RFX3: variants seen among roughly 807,000 people sequenced by gnomAD.
RFX3 encodes transcription factor RFX3.
A neutral mutation model predicts 98.6 loss-of-function variants in RFX3; 14 were observed. The observed-to-expected ratio is 0.14, with a 90% CI of 0.09 to 0.22. The LOEUF (loss-of-function observed/expected upper bound fraction) is 0.22. Ranked by LOEUF, RFX3 falls within the 10% of genes least tolerant of loss-of-function variation. The pLI is 1.00. For synonymous variants in RFX3, 383 were observed against 328.4 expected, an observed-to-expected ratio of 1.17 and a Z score of -1.80; for missense variants, 639 against 926.9, an observed-to-expected ratio of 0.69 and a Z score of 4.03.
At chr9:3,397,906 G>C (rs1016158291) in intron 1 of RFX3, among the ~76,000 whole-genome samples, 4 of 152,098 alleles carry the variant, frequency 2.6e-5, no homozygotes, top group African/African-American at 9.7e-5. Context: ...TTACAAATGA[G>C]GAACCTCAGG....
At chr9:3,444,171 C>T (rs1431617407) in intron 1 of RFX3, among the ~76,000 whole-genome samples, 2 of 151,998 alleles carry the variant, frequency 1.3e-5, no homozygotes, top group Non-Finnish European at 2.9e-5. Flanking sequence ...AATTATCTAC[C>T]AACAGGTGAA....
intron 1 of RFX3, among the ~76,000 whole-genome samples, chr9:3,480,629 C>G (rs1229385387): frequency 6.6e-6 from 1 of 152,146 alleles, no homozygotes; most frequent in South Asian, 2.1e-4. Context: ...CAATTATAGT[C>G]AGATTCTATT....
intron 12 of RFX3, among the ~76,000 whole-genome samples, chr9:3,265,244 T>G (rs1044947183): frequency 6.6e-6 from 1 of 152,202 alleles, no homozygotes; most frequent in Non-Finnish European, 1.5e-5. Flanking sequence ...CTAATTTAAA[T>G]AGCCACACGT....
intron 5 of RFX3, among the ~76,000 whole-genome samples, chr9:3,300,009 T>G (rs1185702784): frequency 2.0e-5 from 3 of 149,004 alleles, no homozygotes; most frequent in Non-Finnish European, 4.5e-5. Flanking sequence ...AACTTCAGGT[T>G]TTTTTTTTTC....
intron 2 of RFX3, among the ~76,000 whole-genome samples, chr9:3,389,408 T>C (rs1840054770): frequency 6.6e-6 from 1 of 152,118 alleles, no homozygotes; most frequent in African/African-American, 2.4e-5. Context: ...GATGATAGGA[T>C]GGGTAATATC....
At chr9:3,383,726 G>T (rs1839427944) in intron 2 of RFX3, among the ~76,000 whole-genome samples, 1 of 152,160 alleles carries the variant, frequency 6.6e-6, no homozygotes, top group African/African-American at 2.4e-5. Context: ...GAAATGGTTT[G>T]ACTGATGTCA....
Position 3,293,205 on chromosome 9 carries a change from T to C in RFX3, c.603A>G (p.Arg201=). ...YETAEGVSLP[R]STLYNHYLRH... ...GAAGGTAGTGGTTGTACAGAGTGCT[T>C]CTGGGAAGGCTCACTCCTTCTGCTG... Residue 201 remains arginine (R), a synonymous_variant, in exon 6 of 17, where the codon AGA becomes AGG. Coordinates refer to ENST00000617270, the MANE Select transcript of RFX3 (RefSeq NM_001282116.2). The C allele has an allele frequency of 6.2e-7, 1 of 1,612,494 alleles. No individual in the cohort carries two copies. Among genetic ancestry groups the C allele is most frequent in the Non-Finnish European group, 8.5e-7 (1 of 1,179,314 alleles).
At chr9:3,444,739 G>A (rs1845891136) in intron 1 of RFX3, among the ~76,000 whole-genome samples, 1 of 152,206 alleles carries the variant, frequency 6.6e-6, no homozygotes, top group Non-Finnish European at 1.5e-5. Context: ...TTTGGTCTGT[G>A]TGGCTTCAGG....
At chr9:3,461,621 G>C (rs1662379171) in intron 1 of RFX3, among the ~76,000 whole-genome samples, 1 of 151,854 alleles carries the variant, frequency 6.6e-6, no homozygotes, top group South Asian at 2.1e-4. Context: ...CCACTGACAA[G>C]TTGTTAAGCT....
intron 1 of RFX3, among the ~76,000 whole-genome samples, chr9:3,503,972 C>T (rs1002695633): frequency 5.3e-5 from 8 of 151,416 alleles, no homozygotes; most frequent in African/African-American, 7.3e-5. Flanking sequence ...ACTTCATGTG[C>T]ACACGCTGTT....
chr9:3,446,934 A>T (rs773473927), intron 1 of RFX3, among the ~76,000 whole-genome samples: 2 of 152,176 alleles, frequency 1.3e-5, no homozygotes, highest in African/African-American at 2.4e-5. Context: ...AGCTTTGAGA[A>T]CAATTCTCAG....
intron 1 of RFX3, among the ~76,000 whole-genome samples, chr9:3,503,942 T>A (rs947076630): frequency 6.6e-6 from 1 of 151,630 alleles, no homozygotes; most frequent in Non-Finnish European, 1.5e-5. Flanking sequence ...TTGCCTATTA[T>A]TGTAATTTTT....
At chr9:3,428,160 A>G (rs1005082167) in intron 1 of RFX3, among the ~76,000 whole-genome samples, 6 of 152,194 alleles carry the variant, frequency 3.9e-5, no homozygotes, top group Admixed American at 3.9e-4. Context: ...AGAAGAATCA[A>G]TCCAGCATCA....
chr9:3,285,272 C>T (rs910750185), intron 7 of RFX3, among the ~76,000 whole-genome samples: 1 of 151,728 alleles, frequency 6.6e-6, no homozygotes, highest in East Asian at 1.9e-4. Flanking sequence ...ATACTTTAAA[C>T]CTTTCACATG....
intron 1 of RFX3, among the ~76,000 whole-genome samples, chr9:3,474,040 A>C (rs1849001915): frequency 6.6e-6 from 1 of 152,222 alleles, no homozygotes; most frequent in Admixed American, 6.5e-5. Context: ...AAACCAAAGA[A>C]TTTGCATGCT....
intron 1 of RFX3, among the ~76,000 whole-genome samples, chr9:3,467,148 A>AT (rs201085052): frequency 2.2e-4 from 22 of 101,836 alleles, no homozygotes; most frequent in African/African-American, 1.3e-3. Flanking sequence ...GTATATACAT[A>AT]ATATATATGT....
chr9:3,392,385 T>C (rs938174037), intron 2 of RFX3, among the ~76,000 whole-genome samples: 11 of 149,980 alleles, frequency 7.3e-5, no homozygotes, highest in African/African-American at 2.2e-4. Flanking sequence ...AAACCATGAA[T>C]TAAAACATGA....
chr9:3,511,724 A>T (rs1440267734), intron 1 of RFX3, among the ~76,000 whole-genome samples: 1 of 152,044 alleles, frequency 6.6e-6, no homozygotes, highest in East Asian at 1.9e-4. Context: ...CCCTTGGGAG[A>T]GTTAGTCTTC....
chr9:3,456,711 T>C (rs2132970995), intron 1 of RFX3, among the ~76,000 whole-genome samples: 1 of 152,276 alleles, frequency 6.6e-6, no homozygotes, highest in East Asian at 1.9e-4. Context: ...AGACACTGTC[T>C]GAAACCGTGC....
Sources: allele counts gnomAD v4.1 joint callset (sites outside exome capture counted in the v4.1 genomes callset), GRCh38; gene constraint gnomAD v4.1.1; transcripts MANE v1.5; gene names NCBI Gene and HGNC (gene_info 2026-07-23, HGNC 2026-07-21).